NPEPL1: variants seen among roughly 807,000 people sequenced by gnomAD.
NPEPL1 encodes the protein aminopeptidase like 1, also known as probable aminopeptidase NPEPL1.
A neutral mutation model predicts 52.4 loss-of-function variants in NPEPL1; 45 were observed. The observed-to-expected ratio is 0.86, with a 90% CI of 0.68 to 1.10. NPEPL1 has a LOEUF of 1.10. Ranked by LOEUF, NPEPL1 falls within the 50% of genes least tolerant of loss-of-function variation. The pLI is 0.00. For synonymous variants in NPEPL1, 360 were observed against 314.7 expected (o/e 1.14, Z -1.52); for missense variants, 696 against 710.9 (o/e 0.98, Z 0.24).
In NPEPL1 at chr20:58,708,849, C is replaced by T. The variant is rs180941153; in HGVS notation, c.900+1649C>T. 4.0e-3 allele frequency among the ~76,000 whole-genome samples: 612 copies of T among 152,144 alleles called. 5 individuals are homozygous for T. The highest frequency in any genetic ancestry group is 9.7e-3 in the Admixed American group (149 of 15,296). ...CTCTCTGAAGGGAGCAGTTGCTGCT[C>T]TGGGGTGGCACGGGGGCAGGGGTGG... On this transcript the variant is annotated intron_variant, in intron 7 of 11. Coordinates refer to ENST00000356091, the MANE Select transcript of NPEPL1 (RefSeq NM_024663.4).
At chr20:58,692,752 C>T (rs2084378069), upstream of NPEPL1, 9 of 942,532 alleles carry the variant, frequency 9.5e-6, 1 homozygote, top group South Asian at 4.3e-4. The surrounding 1 kb of genome is among the most constrained non-coding windows in gnomAD (Gnocchi z 5.7). Flanking sequence ...GCACGTCTCG[C>T]GAGCAGCCCG....
Position 58,714,994 on chromosome 20 carries a change from C to G in NPEPL1, c.1414-174C>G, listed in dbSNP as rs764343683. ...CTACGCCTGGCCTGCCAGCCCTGAACGTGTCCAGCCAGCAGCATGGAAGGC... is the reference window on the plus strand; with the variant it reads ...CTACGCCTGGCCTGCCAGCCCTGAAGGTGTCCAGCCAGCAGCATGGAAGGC... On this transcript the variant is annotated intron_variant, in intron 11 of 11. Transcript: ENST00000356091. 3 of 743,792 alleles carry G rather than the reference C, an allele frequency of 4.0e-6. No individual in the cohort carries two copies. In the African/African-American group the frequency reaches 5.3e-5, roughly 13 times the overall value. The allele number at this position is 743,792 out of a possible 1,614,324, so 46.1% of individuals were successfully genotyped here. A position where few individuals can be genotyped will look rare whatever the true frequency, so the allele number is the denominator to read the frequency against.
chr20:58,693,602 A>C, intron 1 of NPEPL1, 135 bp from the exon 2 acceptor site: 1 of 723,626 alleles, frequency 1.4e-6, no homozygotes, highest in Non-Finnish European at 2.3e-6. Context: ...TAAGGATGGG[A>C]AAACGGTGGC....
chr20:58,700,950 G>A (rs1601108481), intron 5 of NPEPL1, 66 bp from the exon 6 acceptor site: 2 of 1,359,694 alleles, frequency 1.5e-6, no homozygotes, highest in Non-Finnish European at 1.9e-6. Context: ...AGTTTCCAGG[G>A]GCCTCTGGGA....
At chr20:58,704,246 A>C in intron 6 of NPEPL1, 1 of 985,288 alleles carries the variant, frequency 1.0e-6, no homozygotes, top group Non-Finnish European at 1.2e-6. Context: ...ACTCCTCAAA[A>C]AGCAAGCCGG....
chr20:58,711,827 G>A (rs1307138086), intron 7 of NPEPL1, among the ~76,000 whole-genome samples: 1 of 152,248 alleles, frequency 6.6e-6, no homozygotes, highest in African/African-American at 2.4e-5. Flanking sequence ...CGCTCTCGAG[G>A]CATGCTCCAT....
intron 7 of NPEPL1, chr20:58,711,070 C>A: frequency 9.9e-6 from 1 of 100,684 alleles, no homozygotes; most frequent in Middle Eastern, 4.6e-3. Context: ...CCCCGCTCCT[C>A]CCTCCTCCCC....
rs1365426862 is a variant in NPEPL1 at position 58,714,749 on chromosome 20, C to T, written c.1413+79C>T. 3 of 1,123,352 alleles carry T rather than the reference C, an allele frequency of 2.7e-6. No homozygotes were observed. In the African/African-American group the frequency reaches 4.7e-5, roughly 17 times the overall value. The allele number at this position is 1,123,352 out of a possible 1,614,324, so 69.6% of individuals were successfully genotyped here. A position where few individuals can be genotyped will look rare whatever the true frequency, so the allele number is the denominator to read the frequency against. ...CAGCGCCCCTCTGGCTCTGGAGCTG[C>T]TGGCAGAGCTCATCAGAAACTTCTG... On this transcript the variant is annotated intron_variant, in intron 11 of 11. Coordinates refer to ENST00000356091, the MANE Select transcript of NPEPL1 (RefSeq NM_024663.4).
In NPEPL1 at chr20:58,713,820, C is replaced by T. The variant is rs1601139676; in HGVS notation, c.1126-97C>T. On this transcript the variant is annotated intron_variant, in intron 9 of 11. Coordinates refer to ENST00000356091, the MANE Select transcript of NPEPL1 (RefSeq NM_024663.4). This position sits in a 1 kb window ranked among gnomAD's most constrained non-coding sequence, Gnocchi z 4.6. ...TTTCTCAACCGTCTCTTTTCTGGCT[C>T]CCTTATTTCTCTGTCTGCCTCCCGG... The T allele has an allele frequency of 7.7e-7, 1 of 1,298,092 alleles. No homozygotes were observed. The highest frequency in any genetic ancestry group is 2.7e-5 in the East Asian group (1 of 36,522). 80.4% of individuals were successfully genotyped at this position (1,298,092 alleles called of 1,614,324 possible). A position where few individuals can be genotyped will look rare whatever the true frequency, so the allele number is the denominator to read the frequency against.
chr20:58,713,449 A>AG lies in NPEPL1; in HGVS notation c.1034dup (p.Arg346GlnfsTer47). ...GTGGAAATCAACAACACGGATGCCG[A>AG]GGGCAGGCTGGTGCTGGCAGATGGC... On this transcript the variant is annotated frameshift_variant, in exon 9 of 12. Transcript: ENST00000356091. LOFTEE classifies it high-confidence loss of function. The surrounding 1 kb of genome is among the most constrained non-coding windows in gnomAD (Gnocchi z 4.6). The AG allele has an allele frequency of 6.2e-7, 1 of 1,610,316 alleles. No individual in the cohort carries two copies. The highest frequency in any genetic ancestry group is 1.1e-5 in the South Asian group (1 of 90,266).
At chr20:58,693,994 A>C in intron 2 of NPEPL1, 72 bp downstream of exon 2, 9 of 1,425,328 alleles carry the variant, frequency 6.3e-6, no homozygotes, top group Non-Finnish European at 7.6e-6. Flanking sequence ...TGGGGAGCTC[A>C]CAGCCCTGCT....
In NPEPL1 at chr20:58,692,890, C is replaced by T. The variant is rs746323445; in HGVS notation, c.-11C>T. 5.1e-4 allele frequency: 529 copies of T among 1,043,650 alleles called. 3 individuals are homozygous for T. In the African/African-American group the frequency reaches 8.6e-3, roughly 17 times the overall value. 64.6% of individuals were successfully genotyped at this position (1,043,650 alleles called of 1,614,324 possible). A position where few individuals can be genotyped will look rare whatever the true frequency, so the allele number is the denominator to read the frequency against. On this transcript the variant is annotated 5_prime_UTR_variant, in exon 1 of 12. Transcript: ENST00000356091. This position sits in a 1 kb window ranked among gnomAD's most constrained non-coding sequence, Gnocchi z 5.7. ...GGGCCGGGCAGGGCCGGGGCGTGGG[C>T]CGGCAGGAAGATGGCGAACGTGGGG...
chr20:58,694,007 G>C, intron 2 of NPEPL1, 85 bp downstream of exon 2: 2 of 1,320,026 alleles, frequency 1.5e-6, no homozygotes, highest in Middle Eastern at 2.6e-4. Context: ...GCCCTGCTCA[G>C]ACTGCAGCGC....
chr20:58,705,666 A>G (rs534369190), intron 6 of NPEPL1: 2 of 423,678 alleles, frequency 4.7e-6, no homozygotes, highest in Non-Finnish European at 9.7e-6. Context: ...GGGGCTGGTG[A>G]AACTTTGCAC....
chr20:58,707,333 C>A (rs1024808254), intron 7 of NPEPL1, 133 bp downstream of exon 7: 16 of 836,438 alleles, frequency 1.9e-5, no homozygotes, highest in East Asian at 1.3e-4. Flanking sequence ...GCTTGTCCCC[C>A]CTCTGCCCCC....
Position 58,694,461 on chromosome 20 carries a change from G to C in NPEPL1, c.376G>C (p.Ala126Pro). The C allele has an allele frequency of 6.2e-7, 1 of 1,613,700 alleles. No homozygotes were observed. Among genetic ancestry groups the C allele is most frequent in the East Asian group, 2.2e-5 (1 of 44,878 alleles). ...GCCGGAGGTCTTTGCTTCCGCCTGT[G>C]CCCTGGCCCGGGCCTTCCCGCTGTT... ...EQPEVFASAC[A>P]LARAFPLFTH... Residue 126 changes from alanine (A) to proline (P), a missense_variant, in exon 3 of 12, where the codon GCC becomes CCC. By Grantham distance (27) the Ala-to-Pro change is conservative. Coordinates refer to ENST00000356091, the MANE Select transcript of NPEPL1 (RefSeq NM_024663.4).
intron 6 of NPEPL1, among the ~76,000 whole-genome samples, chr20:58,704,872 C>G (rs2084706621): frequency 6.6e-6 from 1 of 152,200 alleles, no homozygotes; most frequent in Non-Finnish European, 1.5e-5. Context: ...CATGAATAGA[C>G]TTTTGGGCTC....
chr20:58,693,868 C>A lies in NPEPL1; in HGVS notation c.282C>A (p.Phe94Leu), dbSNP rs2084405277. 1 of 1,613,396 alleles carries A rather than the reference C, an allele frequency of 6.2e-7. No homozygotes were observed. The highest frequency in any genetic ancestry group is 8.5e-7 in the Non-Finnish European group (1 of 1,179,678). The change falls in exon 2 of 12, where the codon TTC (phenylalanine) becomes TTA (leucine). Residue 94 changes from phenylalanine (F) to leucine (L), a missense_variant. Phe to Leu is a conservative substitution (Grantham distance 22). Transcript: ENST00000356091. Reference sequence around the variant, plus strand: ...ACAACAGCCCCTCGGCCGCCCACTTCATCACGCGGCTGGTGCGGACCTGCC... The same window carrying A: ...ACAACAGCCCCTCGGCCGCCCACTTAATCACGCGGCTGGTGCGGACCTGCC... ...SRHNSPSAAH[F>L]ITRLVRTCLP...
intron 6 of NPEPL1, among the ~76,000 whole-genome samples, chr20:58,706,557 A>G (rs1187379241): frequency 6.6e-6 from 1 of 152,180 alleles, no homozygotes; most frequent in East Asian, 1.9e-4. Flanking sequence ...CCATAAGCAC[A>G]CTAGGAATCT....
Sources: gnomAD v4.1 joint callset for allele counts (sites outside exome capture counted in the v4.1 genomes callset) on GRCh38, gnomAD v4.1.1 for gene constraint, Gnocchi (gnomAD v3.1) non-coding constraint, MANE v1.5 for transcripts, NCBI Gene and HGNC (gene_info 2026-07-23, HGNC 2026-07-21) for gene names.